RBFOX1: variants seen among roughly 807,000 people sequenced by gnomAD.
RBFOX1 encodes the protein RNA binding protein fox-1 homolog 1.
Under a neutral mutation model 57.7 loss-of-function variants are expected in RBFOX1, and 8 were observed. The observed-to-expected ratio is 0.14, with a 90% CI of 0.08 to 0.25. The LOEUF (loss-of-function observed/expected upper bound fraction) is 0.25, where lower values mean the gene tolerates loss of function less well. Among genes scored for constraint, RBFOX1 ranks in the 10% least tolerant of loss-of-function variants. The pLI is 1.00. For synonymous variants in RBFOX1, 326 were observed against 222.4 expected, an observed-to-expected ratio of 1.47 and a Z score of -4.15; for missense variants, 611 against 548.5, an observed-to-expected ratio of 1.11 and a Z score of -1.14.
rs201861836 is a variant in RBFOX1, at chr16:6,778,856, ACACT to A, written c.-16+124208_-16+124211del. 9.9e-3 allele frequency among the ~76,000 whole-genome samples: 1,478 copies of A among 149,940 alleles called. 26 individuals carry two copies. Among genetic ancestry groups the A allele is most frequent in the African/African-American group, 0.033 (1,371 of 41,022 alleles). The stretch of plus-strand genomic sequence containing the variant: ...ATTTAATTGAATACACATACACCAC[ACACT>A]CTAGTTTTTTTTTTATTTTTAATTT... On this transcript the variant is annotated intron_variant, in intron 3 of 15. Coordinates refer to ENST00000550418, the MANE Select transcript of RBFOX1 (RefSeq NM_018723.4).
intron 3 of RBFOX1, among the ~76,000 whole-genome samples, chr16:6,787,355 A>T (rs1048667166): frequency 1.2e-4 from 19 of 152,202 alleles, no homozygotes; most frequent in African/African-American, 4.3e-4. Context: ...AAGTTCTTTC[A>T]ACTTAGGATT....
intron 2 of RBFOX1, among the ~76,000 whole-genome samples, chr16:6,514,828 C>T (rs2096339936): frequency 6.6e-6 from 1 of 151,686 alleles, no homozygotes; most frequent in Non-Finnish European, 1.5e-5. Context: ...ATGGATCCGC[C>T]CTCCCTTGTA....
At chr16:6,888,407 G>C (rs2064633949) in intron 3 of RBFOX1, among the ~76,000 whole-genome samples, 1 of 152,130 alleles carries the variant, frequency 6.6e-6, no homozygotes, top group Non-Finnish European at 1.5e-5. Context: ...AGAGCTTACT[G>C]ATGTCAACAC....
intron 3 of RBFOX1, among the ~76,000 whole-genome samples, chr16:6,885,221 G>T (rs144891333): frequency 6.6e-6 from 1 of 152,220 alleles, no homozygotes; most frequent in Non-Finnish European, 1.5e-5. Flanking sequence ...CTAGAACTGT[G>T]GTTTTTCAGA....
intron 1 of RBFOX1, among the ~76,000 whole-genome samples, chr16:5,308,256 G>C (rs887303586): frequency 1.3e-5 from 2 of 151,952 alleles, no homozygotes; most frequent in African/African-American, 4.8e-5. Flanking sequence ...GAACCTGGGA[G>C]GCAGAGGTTG....
chr16:6,087,657 CT>C (rs199760935), intron 1 of RBFOX1, among the ~76,000 whole-genome samples: 2,130 of 142,758 alleles, frequency 0.015, 14 homozygotes, highest in Non-Finnish European at 0.017. Context: ...ATTTATCTTA[CT>C]TTTTTTTTTT....
intron 3 of RBFOX1, among the ~76,000 whole-genome samples, chr16:6,902,576 G>T (rs138413306): frequency 6.6e-6 from 1 of 152,198 alleles, no homozygotes; most frequent in Non-Finnish European, 1.5e-5. Flanking sequence ...ACAAAAATTG[G>T]CCAAGTATGG....
chr16:7,137,871 A>G (rs1001524044), intron 4 of RBFOX1, among the ~76,000 whole-genome samples: 2 of 152,204 alleles, frequency 1.3e-5, no homozygotes, highest in Non-Finnish European at 2.9e-5. Context: ...TTTATTGAGC[A>G]TCTGTGATTT....
At chr16:7,228,487 G>C (rs748202659) in intron 4 of RBFOX1, among the ~76,000 whole-genome samples, 10 of 152,082 alleles carry the variant, frequency 6.6e-5, no homozygotes, top group Non-Finnish European at 1.5e-4. Flanking sequence ...ATTGAACTTG[G>C]TTTTCTCAGT....
At chr16:6,456,885 A>G (rs975224329) in intron 2 of RBFOX1, among the ~76,000 whole-genome samples, 1 of 152,218 alleles carries the variant, frequency 6.6e-6, no homozygotes, top group African/African-American at 2.4e-5. Flanking sequence ...AGATGGCAGA[A>G]TTAGAAAAAA....
At chr16:6,829,381 A>G (rs1381404512) in intron 3 of RBFOX1, among the ~76,000 whole-genome samples, 1 of 151,882 alleles carries the variant, frequency 6.6e-6, no homozygotes, top group Non-Finnish European at 1.5e-5. Flanking sequence ...ACATACATAC[A>G]CAGACACACA....
intron 4 of RBFOX1, among the ~76,000 whole-genome samples, chr16:5,902,772 C>T (rs1329553170): frequency 6.6e-6 from 1 of 152,134 alleles, no homozygotes; most frequent in Non-Finnish European, 1.5e-5. Flanking sequence ...ATCCACCCTC[C>T]TTTTTTTGAT....
chr16:6,481,792 T>G (rs888365673), intron 2 of RBFOX1, among the ~76,000 whole-genome samples: 4 of 152,150 alleles, frequency 2.6e-5, no homozygotes, highest in African/African-American at 9.7e-5. Context: ...TATCTCAGCA[T>G]CCGTTAAATG....
intron 2 of RBFOX1, among the ~76,000 whole-genome samples, chr16:6,334,447 G>A (rs1191441709): frequency 1.4e-5 from 2 of 146,178 alleles, no homozygotes; most frequent in Non-Finnish European, 3.0e-5. Context: ...GGTCTAGGTT[G>A]CAGTGAGCCG....
At chr16:5,587,226 A>G (rs892849268) in intron 2 of RBFOX1, among the ~76,000 whole-genome samples, 3 of 152,216 alleles carry the variant, frequency 2.0e-5, no homozygotes, top group African/African-American at 7.2e-5. Flanking sequence ...AGAATACATA[A>G]AATTCAGCAA....
At chr16:7,051,013 C>G (rs1048319300) in intron 3 of RBFOX1, among the ~76,000 whole-genome samples, 1 of 151,922 alleles carries the variant, frequency 6.6e-6, no homozygotes, top group Admixed American at 6.6e-5. Flanking sequence ...ATACAAAATG[C>G]GTAAAATATA....
chr16:6,981,303 T>C (rs1343254871), intron 3 of RBFOX1, among the ~76,000 whole-genome samples: 1 of 151,996 alleles, frequency 6.6e-6, no homozygotes, highest in Non-Finnish European at 1.5e-5. Context: ...CTGTGTTTTG[T>C]CCCCCTCTAT....
intron 1 of RBFOX1, among the ~76,000 whole-genome samples, chr16:6,020,253 C>A (rs2095042703): frequency 6.6e-6 from 1 of 152,088 alleles, no homozygotes; most frequent in Admixed American, 6.5e-5. Flanking sequence ...GAGCGCCCCT[C>A]CGAAGCATCC....
In RBFOX1 at chr16:6,977,207, C is replaced by T. The variant is rs62016415; in HGVS notation, c.-15-74850C>T. Among the ~76,000 whole-genome samples the T allele has an allele frequency of 1.7e-3, 200 of 116,580 alleles. 1 individual carries two copies. Among genetic ancestry groups the T allele is most frequent in the Non-Finnish European group, 2.8e-3 (169 of 59,792 alleles). 76.5% of individuals were successfully genotyped at this position (116,580 alleles called of 152,430 possible). A position where few individuals can be genotyped will look rare whatever the true frequency, so the allele number is the denominator to read the frequency against. ...TATATATCACATATATATGTTTTAT[C>T]ATATATATTATCATATAATCATATA... is the stretch of plus-strand genomic sequence containing the variant. On this transcript the variant is annotated intron_variant, in intron 3 of 15. Transcript: ENST00000550418.
Sources: allele counts gnomAD v4.1 joint callset (sites outside exome capture counted in the v4.1 genomes callset), GRCh38; gene constraint gnomAD v4.1.1; transcripts MANE v1.5; gene names NCBI Gene and HGNC (gene_info 2026-07-23, HGNC 2026-07-21).